CENPF: variants seen among roughly 807,000 people sequenced by gnomAD.
CENPF encodes the protein centromere protein F, also known as AH antigen.
Under a neutral mutation model 307.3 loss-of-function variants are expected in CENPF, and 214 were observed. That is an observed-to-expected ratio of 0.70 (90% CI 0.62 to 0.78). The LOEUF is 0.78. Among genes scored for constraint, CENPF ranks in the 30% least tolerant of loss-of-function variants. CENPF has a pLI of 0.00. For synonymous variants in CENPF, 1,259 were observed against 1,270.6 expected (o/e 0.99, Z 0.19); for missense variants, 3,401 against 3,483.9 (o/e 0.98, Z 0.60).
intron 9 of CENPF, among the ~76,000 whole-genome samples, chr1:214,631,566 C>A (rs1226960172): frequency 6.6e-6 from 1 of 152,250 alleles, no homozygotes; most frequent in Admixed American, 6.5e-5. Flanking sequence ...GTGGCACGAT[C>A]TCGGCTCACT....
At position 214,606,650 on chromosome 1, in the gene CENPF, C is replaced by T. The variant is rs534621794; in HGVS notation, c.-42+3329C>T. Reference sequence around the variant, plus strand: ...ATGCCAGTGCAACCCAGGTCAGCATCGAGGGTCGTGGCTGCGGAGGTGGCA... The same window carrying T: ...ATGCCAGTGCAACCCAGGTCAGCATTGAGGGTCGTGGCTGCGGAGGTGGCA... On this transcript the variant is annotated intron_variant, in intron 1 of 19. Coordinates refer to ENST00000366955, the MANE Select transcript of CENPF (RefSeq NM_016343.4). 3.7e-4 allele frequency among the ~76,000 whole-genome samples: 57 copies of T among 152,258 alleles called. 1 individual carries two copies. The highest frequency in any genetic ancestry group is 1.4e-3 in the African/African-American group (57 of 41,556).
In CENPF at chr1:214,608,854, C is replaced by G; in HGVS notation, c.-41-4860C>G. ...CAGCCCGTTCATGGCGGGCGCCGCCCGGGCCAGGCCCCCACCGGGGCCCCA... is the reference window on the plus strand; with the variant it reads ...CAGCCCGTTCATGGCGGGCGCCGCCGGGGCCAGGCCCCCACCGGGGCCCCA... On this transcript the variant is annotated intron_variant, in intron 1 of 19. Coordinates refer to ENST00000366955, the MANE Select transcript of CENPF (RefSeq NM_016343.4). 4.6e-6 allele frequency: 7 copies of G among 1,519,716 alleles called. No homozygotes were observed. In the South Asian group the frequency reaches 4.8e-5, roughly 10 times the overall value. 94.1% of individuals were successfully genotyped at this position (1,519,716 alleles called of 1,614,324 possible). A position where few individuals can be genotyped will look rare whatever the true frequency, so the allele number is the denominator to read the frequency against.
intron 1 of CENPF, among the ~76,000 whole-genome samples, chr1:214,609,020 C>G (rs1290403193): frequency 1.3e-5 from 2 of 151,730 alleles, no homozygotes; most frequent in Non-Finnish European, 2.9e-5. Flanking sequence ...CATCGCGGTC[C>G]AAGCCGAGCC....
At chr1:214,608,730 C>T (rs55751041) in intron 1 of CENPF, 2 of 1,597,438 alleles carry the variant, frequency 1.3e-6, no homozygotes, top group Non-Finnish European at 1.7e-6. Flanking sequence ...GCTCAGTCAC[C>T]AAGGAATAGG....
chr1:214,632,405 A>C, intron 9 of CENPF, 75 bp from the exon 10 acceptor site: 1 of 1,505,912 alleles, frequency 6.6e-7, no homozygotes, highest in Non-Finnish European at 9.1e-7. Flanking sequence ...TGACCATTTT[A>C]TTGTTTAAGA....
chr1:214,636,764 C>T (rs184732949), intron 10 of CENPF, among the ~76,000 whole-genome samples: 229 of 152,236 alleles, frequency 1.5e-3, no homozygotes, highest in African/African-American at 5.4e-3. Context: ...AATTTTTCCT[C>T]TACTTCACAA....
chr1:214,641,165 G>A lies in CENPF; in HGVS notation c.2827G>A (p.Glu943Lys). 1.2e-6 allele frequency: 2 copies of A among 1,603,398 alleles called. No homozygotes were observed. Among genetic ancestry groups the A allele is most frequent in the Non-Finnish European group, 1.7e-6 (2 of 1,177,260 alleles). The change falls in exon 12 of 20, where the codon GAG (glutamate) becomes AAG (lysine). Residue 943 changes from glutamate to lysine, a missense_variant. Transcript: ENST00000366955. ...SNHLLEDSLK[E>K]LQLLSETLSL... is the part of the protein sequence containing the mutation. ...CCATCTACTTGAAGACTCTCTAAAGGAGCTACAACTTTTATCCGAAACCCT... is the reference window on the plus strand; with the variant it reads ...CCATCTACTTGAAGACTCTCTAAAGAAGCTACAACTTTTATCCGAAACCCT...
At position 214,647,396 on chromosome 1, in the gene CENPF, A is replaced by G. The variant is rs372442138; in HGVS notation, c.7826A>G (p.Glu2609Gly). ...AAAATGGACAAAATGTCCTTTGTTG[A>G]AAAAGTAAGTGGCTATATCTGTTTA... ...LTKMDKMSFVEKVNKMTAKET... is the reference protein window; with the variant it reads ...LTKMDKMSFVGKVNKMTAKET... Residue 2609 changes from glutamate (E) to glycine (G), a missense_variant, in exon 13 of 20, where the codon GAA (glutamate) becomes GGA (glycine). Transcript: ENST00000366955. 1.2e-5 allele frequency: 20 copies of G among 1,604,772 alleles called. No individual in the cohort carries two copies. The African/African-American group carries it at 2.4e-4, about 19-fold the overall frequency.
intron 3 of CENPF, among the ~76,000 whole-genome samples, chr1:214,616,823 TTTCC>T (rs1194274723): frequency 2.7e-5 from 4 of 150,376 alleles, no homozygotes; most frequent in Non-Finnish European, 5.9e-5. Context: ...TCCTTCCTTC[TTTCC>T]TTCCTTCCTC....
intron 5 of CENPF, among the ~76,000 whole-genome samples, chr1:214,620,043 C>CA (rs74945063): frequency 3.3e-5 from 5 of 151,700 alleles, no homozygotes; most frequent in African/African-American, 4.8e-5. Flanking sequence ...CTTCCTATGG[C>CA]AAAAAAAAGT....
chr1:214,622,170 A>T lies in CENPF; in HGVS notation c.957A>T (p.Gln319His), dbSNP rs1657524068. ...AAGTGAATAAGTTTCAAGAACTCCA[A>T]CTCCAACTGGAGAAAGCAAAAGTGG... is the stretch of plus-strand genomic sequence containing the variant. ...KGQVNKFQELQLQLEKAKVEL... is the reference protein window; with the variant it reads ...KGQVNKFQELHLQLEKAKVEL... The change falls in exon 7 of 20, where the codon CAA becomes CAT. Residue 319 changes from glutamine (Q) to histidine (H), a missense_variant. Coordinates refer to ENST00000366955, the MANE Select transcript of CENPF (RefSeq NM_016343.4). 1.2e-6 allele frequency: 2 copies of T among 1,614,040 alleles called. No homozygotes were observed. Among genetic ancestry groups the T allele is most frequent in the Non-Finnish European group, 1.7e-6 (2 of 1,179,948 alleles).
At chr1:214,633,138 T>C (rs1481330374) in intron 10 of CENPF, among the ~76,000 whole-genome samples, 1 of 152,246 alleles carries the variant, frequency 6.6e-6, no homozygotes, top group African/African-American at 2.4e-5. Flanking sequence ...GTCAATTATA[T>C]GACTCTGGCT....
At position 214,646,440 on chromosome 1, in the gene CENPF, C is replaced by T. The variant is rs755445069; in HGVS notation, c.6870C>T (p.Asp2290=). 1.7e-5 allele frequency: 28 copies of T among 1,613,936 alleles called. No homozygotes were observed. The highest frequency in any genetic ancestry group is 2.2e-5 in the Non-Finnish European group (26 of 1,180,010). The change falls in exon 13 of 20, where the codon GAC becomes GAT. Residue 2290 remains aspartate (D), a synonymous_variant. Coordinates refer to ENST00000366955, the MANE Select transcript of CENPF (RefSeq NM_016343.4). ...TGAAGGCCACAGAACAGAGTCTAGACCCACCAATAGAGGAAGAGCATCAGC... is the reference window on the plus strand; with the variant it reads ...TGAAGGCCACAGAACAGAGTCTAGATCCACCAATAGAGGAAGAGCATCAGC... ...EIMKATEQSL[D]PPIEEEHQLR... is the part of the protein sequence containing the mutation.
At chr1:214,627,581 G>T (rs1405212011) in intron 7 of CENPF, among the ~76,000 whole-genome samples, 1 of 151,522 alleles carries the variant, frequency 6.6e-6, no homozygotes, top group Admixed American at 6.6e-5. Flanking sequence ...TCACCATGTT[G>T]GCCAGGCTGG....
At position 214,645,933 on chromosome 1, in the gene CENPF, C is replaced by G. The variant is rs760713786; in HGVS notation, c.6363C>G (p.Ile2121Met). The change falls in exon 13 of 20, where the codon ATC (isoleucine) becomes ATG (methionine). Residue 2121 changes from isoleucine to methionine, a missense_variant. Transcript: ENST00000366955. ...AAGTGCATCAGCTGAGAAGAGGCATCGAGAAACTGAGAGTTCGCATTGAGG... is the reference window on the plus strand; with the variant it reads ...AAGTGCATCAGCTGAGAAGAGGCATGGAGAAACTGAGAGTTCGCATTGAGG... Reference protein sequence around the residue: ...QEEVHQLRRGIEKLRVRIEAD... With the variant: ...QEEVHQLRRGMEKLRVRIEAD... 6.2e-7 allele frequency: 1 copy of G among 1,614,062 alleles called. No homozygotes were observed. The highest frequency in any genetic ancestry group is 8.5e-7 in the Non-Finnish European group (1 of 1,180,022).
At chr1:214,651,296 C>CTT (rs1160305002) in intron 14 of CENPF, among the ~76,000 whole-genome samples, 1 of 152,136 alleles carries the variant, frequency 6.6e-6, no homozygotes, top group African/African-American at 2.4e-5. Flanking sequence ...GAACTGGAGT[C>CTT]TAAGCTGGTC....
chr1:214,642,323 A>G lies in CENPF; in HGVS notation c.3985A>G (p.Ile1329Val), dbSNP rs1382826789. 9 of 1,613,692 alleles carry G rather than the reference A, an allele frequency of 5.6e-6. No homozygotes were observed. The highest frequency in any genetic ancestry group is 7.6e-6 in the Non-Finnish European group (9 of 1,179,888). The change falls in exon 12 of 20, where the codon ATC (isoleucine) becomes GTC (valine). Residue 1329 changes from isoleucine to valine, a missense_variant. Transcript: ENST00000366955. Reference sequence around the variant, plus strand: ...GCTGAATGATTCAAGGTCAGAATGTATCACAGCAACTAGGAAAATGGCAGA... The same window carrying G: ...GCTGAATGATTCAAGGTCAGAATGTGTCACAGCAACTAGGAAAATGGCAGA... ...TELNDSRSEC[I>V]TATRKMAEEV...
At chr1:214,649,467 C>T (rs114595149) in intron 14 of CENPF, among the ~76,000 whole-genome samples, 336 of 152,242 alleles carry the variant, frequency 2.2e-3, no homozygotes, top group African/African-American at 7.9e-3. Context: ...GCTGTTTAGT[C>T]CTCATGCAAC....
At chr1:214,652,658 TG>T (rs1658518343) in intron 15 of CENPF, among the ~76,000 whole-genome samples, 169 bp from the exon 16 acceptor site, 1 of 151,894 alleles carries the variant, frequency 6.6e-6, no homozygotes, top group Non-Finnish European at 1.5e-5. Context: ...TTGGCCAGGA[TG>T]GCCTTGAACT....
Sources: gnomAD v4.1 joint callset for allele counts (sites outside exome capture counted in the v4.1 genomes callset) on GRCh38, gnomAD v4.1.1 for gene constraint, MANE v1.5 for transcripts, NCBI Gene and HGNC (gene_info 2026-07-23, HGNC 2026-07-21) for gene names.